RNGTT: variants seen among roughly 807,000 people sequenced by gnomAD.
RNGTT encodes mRNA-capping enzyme.
In RNGTT, 33 loss-of-function variants were observed where a neutral mutation model predicts 79.3. The ratio of observed to expected loss-of-function variants is 0.42; its 90% CI spans 0.32 to 0.56. RNGTT has a LOEUF of 0.56. RNGTT is among the 20% of genes least tolerant of loss of function. RNGTT has a pLI of 0.17. For synonymous variants in RNGTT, 222 were observed against 235.9 expected (o/e 0.94, Z 0.54); for missense variants, 497 against 739.1 (o/e 0.67, Z 3.80).
chr6:88,943,601 G>C (rs551732610), intron 1 of RNGTT, among the ~76,000 whole-genome samples: 3 of 151,332 alleles, frequency 2.0e-5, no homozygotes, highest in African/African-American at 4.8e-5. Context: ...AAACAGAAAA[G>C]CCCTGCCCTC....
chr6:88,719,305 A>G (rs1776627107), intron 13 of RNGTT, among the ~76,000 whole-genome samples: 1 of 152,216 alleles, frequency 6.6e-6, no homozygotes, highest in Admixed American at 6.5e-5. Context: ...ATCACAGGCT[A>G]TCACTTGGAA....
intron 8 of RNGTT, among the ~76,000 whole-genome samples, chr6:88,890,045 C>T (rs1782990809): frequency 6.6e-6 from 1 of 152,058 alleles, no homozygotes; most frequent in Non-Finnish European, 1.5e-5. Context: ...AATAATGCAA[C>T]AACCTTGCGA....
intron 12 of RNGTT, among the ~76,000 whole-genome samples, chr6:88,779,378 A>G (rs1465512240): frequency 6.6e-6 from 1 of 152,226 alleles, no homozygotes; most frequent in Non-Finnish European, 1.5e-5. Flanking sequence ...TAAATCTAGA[A>G]AAGTTGAATG....
intron 15 of RNGTT, 108 bp from the exon 16 acceptor site, chr6:88,612,990 T>C: frequency 9.6e-7 from 1 of 1,043,590 alleles, no homozygotes; most frequent in Non-Finnish European, 1.4e-6. Flanking sequence ...ACTTTCCATT[T>C]TACCCATTTG....
intron 1 of RNGTT, among the ~76,000 whole-genome samples, chr6:88,962,080 CTA>C (rs756999711): frequency 1.8e-4 from 27 of 152,174 alleles, no homozygotes; most frequent in Non-Finnish European, 3.4e-4. Flanking sequence ...AGAGTACTCA[CTA>C]TATGTTTCCA....
In RNGTT at chr6:88,755,430, T is replaced by C. The variant is rs116256498; in HGVS notation, c.1439+14344A>G. 9.2e-3 allele frequency among the ~76,000 whole-genome samples: 1,401 copies of C among 152,202 alleles called. 20 individuals are homozygous for C. The highest frequency in any genetic ancestry group is 0.032 in the African/African-American group (1,315 of 41,542). ...ATTCTTGAAATAAAAGTGACATTCATGTCTGTAAGAGAAATTCATAAAACA... is the reference window on the plus strand; with the variant it reads ...ATTCTTGAAATAAAAGTGACATTCACGTCTGTAAGAGAAATTCATAAAACA... On this transcript the variant is annotated intron_variant, in intron 13 of 15. Coordinates refer to ENST00000369485, the MANE Select transcript of RNGTT (RefSeq NM_003800.5).
chr6:88,790,775 C>G (rs1779381133), intron 12 of RNGTT, among the ~76,000 whole-genome samples: 1 of 151,982 alleles, frequency 6.6e-6, no homozygotes, highest in South Asian at 2.1e-4. Context: ...TTAGACTTCC[C>G]CAGAAGAAAA....
intron 14 of RNGTT, among the ~76,000 whole-genome samples, chr6:88,661,322 G>A (rs1192182924): frequency 6.6e-6 from 1 of 151,784 alleles, no homozygotes; most frequent in Non-Finnish European, 1.5e-5. Flanking sequence ...GATCAGAGCA[G>A]AACTAAACGA....
chr6:88,949,159 G>GA, intron 1 of RNGTT, among the ~76,000 whole-genome samples: 937 of 50,470 alleles, frequency 0.019, 24 homozygotes, highest in African/African-American at 0.052. Flanking sequence ...AAAATAAAAT[G>GA]AAAAAAAAAA....
chr6:88,907,799 G>A (rs1783704919), intron 4 of RNGTT, among the ~76,000 whole-genome samples: 1 of 146,188 alleles, frequency 6.8e-6, no homozygotes, highest in Non-Finnish European at 1.5e-5. Context: ...GAGTTCAGTA[G>A]CATGATCAGG....
intron 12 of RNGTT, among the ~76,000 whole-genome samples, chr6:88,774,918 A>G (rs929517992): frequency 6.6e-6 from 1 of 152,220 alleles, no homozygotes; most frequent in Non-Finnish European, 1.5e-5. Flanking sequence ...AACACTGTCC[A>G]TGTAATTAGA....
chr6:88,756,468 A>G (rs1778021095), intron 13 of RNGTT, among the ~76,000 whole-genome samples: 2 of 152,158 alleles, frequency 1.3e-5, no homozygotes, highest in Admixed American at 1.3e-4. Flanking sequence ...GTGAGACTCC[A>G]TCTCAAGCAA....
At chr6:88,625,577 A>C (rs1312159173) in intron 14 of RNGTT, among the ~76,000 whole-genome samples, 1 of 151,926 alleles carries the variant, frequency 6.6e-6, no homozygotes, top group Non-Finnish European at 1.5e-5. Flanking sequence ...TGGGGAAAGC[A>C]ATTTATTACA....
chr6:88,779,172 T>C (rs1423677272), intron 12 of RNGTT, among the ~76,000 whole-genome samples: 1 of 152,116 alleles, frequency 6.6e-6, no homozygotes, highest in Non-Finnish European at 1.5e-5. Flanking sequence ...GAAAGGAGTG[T>C]CAGCAAGAGA....
chr6:88,717,654 G>T (rs1364095372), intron 13 of RNGTT, among the ~76,000 whole-genome samples: 1 of 152,126 alleles, frequency 6.6e-6, no homozygotes, highest in African/African-American at 2.4e-5. Flanking sequence ...GGAGACACCA[G>T]CAACGCAAAA....
intron 14 of RNGTT, among the ~76,000 whole-genome samples, chr6:88,648,251 T>A (rs1184887850): frequency 3.9e-5 from 6 of 152,108 alleles, no homozygotes; most frequent in Non-Finnish European, 8.8e-5. Flanking sequence ...TTATTACTAG[T>A]TTTTTAAGCT....
At chr6:88,862,542 T>G (rs1015585505) in intron 8 of RNGTT, among the ~76,000 whole-genome samples, 4 of 152,190 alleles carry the variant, frequency 2.6e-5, no homozygotes, top group Non-Finnish European at 5.9e-5. Flanking sequence ...AAACGTAAGT[T>G]TCCCTGAATT....
At chr6:88,857,103 T>G (rs1045264555) in intron 8 of RNGTT, among the ~76,000 whole-genome samples, 1 of 152,120 alleles carries the variant, frequency 6.6e-6, no homozygotes, top group Non-Finnish European at 1.5e-5. Flanking sequence ...AAATGCAGGT[T>G]TTCTACCAAA....
At chr6:88,768,147 T>C (rs1252270265) in intron 13 of RNGTT, among the ~76,000 whole-genome samples, 1 of 151,836 alleles carries the variant, frequency 6.6e-6, no homozygotes, top group Non-Finnish European at 1.5e-5. Flanking sequence ...ATAGTGTGTG[T>C]GTGTGTGTGT....
Sources: gnomAD v4.1 joint callset for allele counts (sites outside exome capture counted in the v4.1 genomes callset) on GRCh38, gnomAD v4.1.1 for gene constraint, MANE v1.5 for transcripts, NCBI Gene and HGNC (gene_info 2026-07-23, HGNC 2026-07-21) for gene names.